The following TRAPPC3L variants were observed in gnomAD, a reference collection of about 807,000 sequenced individuals.
TRAPPC3L encodes the protein trafficking protein particle complex subunit 3L.
TRAPPC3L carries 23 observed loss-of-function variants against 23.7 expected under a neutral mutation model. That is an observed-to-expected ratio of 0.97 (90% confidence interval 0.70 to 1.37). The LOEUF is 1.37. TRAPPC3L is among the 40% of genes most tolerant of loss of function. The pLI, the probability that TRAPPC3L is intolerant of heterozygous loss-of-function variation, is 0.00. For synonymous variants in TRAPPC3L, 81 were observed against 77.9 expected (o/e 1.04, Z -0.21); for missense variants, 212 against 216.8 (o/e 0.98, Z 0.14).
intron 3 of TRAPPC3L, among the ~76,000 whole-genome samples, chr6:116,531,093 G>A (rs1402758322): frequency 6.6e-6 from 1 of 151,846 alleles, no homozygotes; most frequent in African/African-American, 2.4e-5. Context: ...CTGCCATTCT[G>A]GCCACAGTTA....
At chr6:116,511,573 C>G (rs1435188459) in intron 3 of TRAPPC3L, 3 of 827,002 alleles carry the variant, frequency 3.6e-6, no homozygotes, top group Non-Finnish European at 5.7e-6. Context: ...GTTTCCTTAT[C>G]TGGCTCAATT....
chr6:116,496,782 A>C lies in TRAPPC3L; in HGVS notation c.*172T>G, dbSNP rs1200134222. On this transcript the variant is annotated 3_prime_UTR_variant, in exon 5 of 5. Transcript: ENST00000368602. ...TGAGATTGAAAATGCGTGATTTATAAGCAAAAGGAAAAAAAAACCTTTAAG... is the reference window on the plus strand; with the variant it reads ...TGAGATTGAAAATGCGTGATTTATACGCAAAAGGAAAAAAAAACCTTTAAG... 9.9e-6 allele frequency: 9 copies of C among 906,014 alleles called. No homozygotes were observed. Among genetic ancestry groups the C allele is most frequent in the African/African-American group, 5.4e-5 (3 of 55,860 alleles). 56.1% of individuals were successfully genotyped at this position (906,014 alleles called of 1,614,324 possible).
At chr6:116,502,832 T>C (rs1296777456) in intron 3 of TRAPPC3L, among the ~76,000 whole-genome samples, 1 of 152,150 alleles carries the variant, frequency 6.6e-6, no homozygotes, top group African/African-American at 2.4e-5. Flanking sequence ...TGCTGAGAGA[T>C]TTTGTTACCA....
chr6:116,512,560 T>C (rs2115165118), intron 3 of TRAPPC3L, among the ~76,000 whole-genome samples: 1 of 152,292 alleles, frequency 6.6e-6, no homozygotes, highest in East Asian at 1.9e-4. Flanking sequence ...ATAAATTGAG[T>C]GTTAATGGCA....
chr6:116,519,195 G>C (rs1772285527), intron 3 of TRAPPC3L: 1 of 152,222 alleles, frequency 6.6e-6, no homozygotes. Flanking sequence ...ACAGGGAGCT[G>C]TGTATACATG....
intron 3 of TRAPPC3L, chr6:116,516,109 A>T: frequency 7.5e-7 from 1 of 1,328,292 alleles, no homozygotes; most frequent in Non-Finnish European, 1.0e-6. Context: ...TGTTTACAAG[A>T]CAATAACACA....
At chr6:116,515,900 C>A in intron 3 of TRAPPC3L, 5 of 1,613,926 alleles carry the variant, frequency 3.1e-6, no homozygotes, top group Non-Finnish European at 4.2e-6. Flanking sequence ...CTATAGCACC[C>A]TCCACAGAGT....
Position 116,511,889 on chromosome 6 carries a change from C to A in TRAPPC3L, c.241-11223G>T, listed in dbSNP as rs755625189. 3 of 1,613,900 alleles carry A rather than the reference C, an allele frequency of 1.9e-6. No homozygotes were observed. The African/African-American group carries it at 4.0e-5, about 22-fold the overall frequency. Reference sequence around the variant, plus strand: ...TGCTCCTGCCTGGGTGTTACTGATCCTGGGATTCTTTCTGAACAATAGGTC... The same window carrying A: ...TGCTCCTGCCTGGGTGTTACTGATCATGGGATTCTTTCTGAACAATAGGTC... On this transcript the variant is annotated intron_variant, in intron 3 of 4. Coordinates refer to ENST00000368602, the MANE Select transcript of TRAPPC3L (RefSeq NM_001139444.3).
rs199789453 is a variant in TRAPPC3L at position 116,515,919 on chromosome 6, A to G, written c.241-15253T>C. The G allele has an allele frequency of 1.3e-5, 21 of 1,613,736 alleles. 1 individual carries two copies. The Admixed American group carries it at 3.0e-4, about 23-fold the overall frequency. On this transcript the variant is annotated intron_variant, in intron 3 of 4. Transcript: ENST00000368602. ...AGCACCCTCCACAGAGTGGTGGACA[A>G]TGGTCTGCAACTTAGCCCTGAGGAT...
At chr6:116,531,442 T>C (rs1441554981) in intron 3 of TRAPPC3L, among the ~76,000 whole-genome samples, 1 of 151,858 alleles carries the variant, frequency 6.6e-6, no homozygotes, top group African/African-American at 2.4e-5. Flanking sequence ...CAGAGAAGGG[T>C]TGAGTCATGA....
At chr6:116,504,259 G>A (rs999656547) in intron 3 of TRAPPC3L, among the ~76,000 whole-genome samples, 27 of 152,124 alleles carry the variant, frequency 1.8e-4, no homozygotes, top group African/African-American at 6.0e-4. Flanking sequence ...ACACCTCTAC[G>A]CAAATAAACT....
At chr6:116,543,577 T>C (rs557347250) in intron 1 of TRAPPC3L, among the ~76,000 whole-genome samples, 177 bp from the exon 2 acceptor site, 1 of 152,262 alleles carries the variant, frequency 6.6e-6, no homozygotes, top group East Asian at 1.9e-4. Flanking sequence ...CACATTTGGA[T>C]ACATTGATGT....
chr6:116,521,990 G>A (rs543376302), intron 3 of TRAPPC3L: 1 of 152,132 alleles, frequency 6.6e-6, no homozygotes, highest in South Asian at 2.1e-4. Context: ...GCTCTGAAGA[G>A]GCCCAAGCTA....
chr6:116,517,261 C>A (rs569681116), intron 3 of TRAPPC3L: 1 of 152,212 alleles, frequency 6.6e-6, no homozygotes, highest in East Asian at 1.9e-4. Context: ...GGTAAATTGA[C>A]CTTGGCTAAA....
In TRAPPC3L at chr6:116,495,541, A is replaced by C. The variant is rs1175236962; in HGVS notation, c.*1413T>G. The stretch of plus-strand genomic sequence containing the variant: ...TTTTGGGTATATATCCAGCAGTGGG[A>C]TTGCTGGATCATATGATCATTCTAT... On this transcript the variant is annotated 3_prime_UTR_variant, in exon 5 of 5. Transcript: ENST00000368602. 6.6e-6 allele frequency: 1 copy of C among 151,962 alleles called. No homozygotes were observed. The highest frequency in any genetic ancestry group is 2.4e-5 in the African/African-American group (1 of 41,336). 9.4% of individuals were successfully genotyped at this position (151,962 alleles called of 1,614,324 possible). A position where few individuals can be genotyped will look rare whatever the true frequency, so the allele number is the denominator to read the frequency against.
chr6:116,521,524 GAGAGAGAC>G (rs976041384), intron 3 of TRAPPC3L: 3 of 151,954 alleles, frequency 2.0e-5, no homozygotes, highest in Non-Finnish European at 4.4e-5. Flanking sequence ...GAGGGAGAGA[GAGAGAGAC>G]AGAGAGCAAA....
chr6:116,509,119 G>A (rs953999754), intron 3 of TRAPPC3L, among the ~76,000 whole-genome samples: 24 of 139,122 alleles, frequency 1.7e-4, no homozygotes, highest in South Asian at 1.6e-3. Flanking sequence ...AAAACCCACC[G>A]ATGAATATAC....
intron 4 of TRAPPC3L, among the ~76,000 whole-genome samples, chr6:116,497,971 T>C (rs553282496): frequency 6.6e-6 from 1 of 152,342 alleles, no homozygotes; most frequent in Admixed American, 6.5e-5. Context: ...TGTACCAAAT[T>C]ATCTGGCTCA....
intron 3 of TRAPPC3L, among the ~76,000 whole-genome samples, chr6:116,527,908 C>G (rs147280468): frequency 1.5e-3 from 230 of 152,306 alleles, no homozygotes; most frequent in African/African-American, 3.9e-3. Context: ...CACATGTATA[C>G]CTATGTAAGA....
Sources: allele counts gnomAD v4.1 joint callset (sites outside exome capture counted in the v4.1 genomes callset), GRCh38; gene constraint gnomAD v4.1.1; transcripts MANE v1.5; gene names NCBI Gene and HGNC (gene_info 2026-07-23, HGNC 2026-07-21).